PPP1R12B: variants seen among roughly 807,000 people sequenced by gnomAD.
PPP1R12B encodes the protein myosin phosphatase target subunit 2.
PPP1R12B carries 76 observed loss-of-function variants against 126.1 expected under a neutral mutation model. The observed-to-expected ratio is 0.60, with a 90% CI of 0.50 to 0.73. PPP1R12B has a LOEUF of 0.73. Ranked by LOEUF, PPP1R12B falls within the 30% of genes least tolerant of loss-of-function variation. The pLI is 0.00. For synonymous variants in PPP1R12B, 356 were observed against 434.7 expected (o/e 0.82, Z 2.25); for missense variants, 1,052 against 1,205.1 (o/e 0.87, Z 1.88).
intron 1 of PPP1R12B, among the ~76,000 whole-genome samples, chr1:202,399,776 A>G (rs1315501625): frequency 6.6e-6 from 1 of 152,204 alleles, no homozygotes; most frequent in Non-Finnish European, 1.5e-5. Context: ...GATTACAGGC[A>G]TGAGCCACTG....
At chr1:202,547,196 G>C (rs563785044) in intron 18 of PPP1R12B, among the ~76,000 whole-genome samples, 24 of 152,342 alleles carry the variant, frequency 1.6e-4, no homozygotes, top group African/African-American at 5.5e-4. Context: ...AGACTATTCA[G>C]CATTGGTTTT....
chr1:202,498,174 C>G (rs911591969), intron 18 of PPP1R12B, among the ~76,000 whole-genome samples: 1 of 152,204 alleles, frequency 6.6e-6, no homozygotes, highest in Non-Finnish European at 1.5e-5. Context: ...TGATGCAGTA[C>G]TTCCTAGGGA....
chr1:202,431,402 T>A, intron 7 of PPP1R12B, 78 bp from the exon 8 acceptor site: 1 of 1,195,762 alleles, frequency 8.4e-7, no homozygotes, highest in Non-Finnish European at 1.2e-6. Context: ...CTTCCACATA[T>A]AGGTTTATAG....
chr1:202,470,160 G>A (rs805910), intron 13 of PPP1R12B, among the ~76,000 whole-genome samples: 1,838 of 152,226 alleles, frequency 0.012, 31 homozygotes, highest in African/African-American at 0.042. Context: ...TGCTAACACG[G>A]TTCTTTTCCT....
At chr1:202,486,179 G>C (rs1199845199) in intron 13 of PPP1R12B, among the ~76,000 whole-genome samples, 1 of 151,968 alleles carries the variant, frequency 6.6e-6, no homozygotes, top group Non-Finnish European at 1.5e-5. Context: ...ACTGCTCCTG[G>C]CTGCTATTAT....
Position 202,419,846 on chromosome 1 carries a change from C to T in PPP1R12B, c.423-2774C>T, listed in dbSNP as rs184135155. On this transcript the variant is annotated intron_variant, in intron 2 of 23. Transcript: ENST00000608999. This position sits in a 1 kb window ranked among gnomAD's most constrained non-coding sequence, Gnocchi z 4.6. ...GTTTATTTTACCAAGGTTAAAGATG[C>T]GCACCCAGGAAACAGATCTGTGCCT... Among the ~76,000 whole-genome samples, 42 of 152,226 alleles carry T rather than the reference C, an allele frequency of 2.8e-4. No homozygotes were observed. The highest frequency in any genetic ancestry group is 6.8e-3 in the Middle Eastern group (2 of 294).
intron 13 of PPP1R12B, among the ~76,000 whole-genome samples, chr1:202,484,544 T>C (rs1474719379): frequency 6.6e-6 from 1 of 152,234 alleles, no homozygotes; most frequent in Non-Finnish European, 1.5e-5. Flanking sequence ...ACTGGGCTAG[T>C]CTGAATTTGA....
Position 202,493,238 on chromosome 1 carries a change from A to G in PPP1R12B, c.2066A>G (p.Glu689Gly), listed in dbSNP as rs1422596707. 1.9e-6 allele frequency: 3 copies of G among 1,613,030 alleles called. No homozygotes were observed. Among genetic ancestry groups the G allele is most frequent in the Non-Finnish European group, 2.5e-6 (3 of 1,179,862 alleles). Residue 689 changes from glutamate (E) to glycine (G), a missense_variant, in exon 15 of 24, where the codon GAG (glutamate) becomes GGG (glycine). Physicochemically the swap from Glu to Gly is moderately conservative, Grantham distance 98. Transcript: ENST00000608999. The stretch of plus-strand genomic sequence containing the variant: ...ACTGAAGGGCTTGAGGGGAGCCCTG[A>G]GAAGCATGAGCCCTCAGCAGTTCCA... ...TDTEGLEGSP[E>G]KHEPSAVPAT...
At chr1:202,499,870 C>G (rs554475424) in intron 18 of PPP1R12B, among the ~76,000 whole-genome samples, 57 of 152,240 alleles carry the variant, frequency 3.7e-4, no homozygotes, top group African/African-American at 1.3e-3. Context: ...ATAATGTTTG[C>G]TATCAATAGA....
intron 18 of PPP1R12B, among the ~76,000 whole-genome samples, chr1:202,555,478 A>T (rs565177520): frequency 4.0e-5 from 6 of 151,692 alleles, no homozygotes; most frequent in African/African-American, 1.4e-4. Flanking sequence ...AAAAAAAAAA[A>T]AAAAATTCAA....
intron 17 of PPP1R12B, 95 bp from the exon 18 acceptor site, chr1:202,496,686 A>G: frequency 1.8e-6 from 2 of 1,097,800 alleles, no homozygotes; most frequent in Non-Finnish European, 2.7e-6. Flanking sequence ...CATGTTTGAA[A>G]TGCCAAGATG....
In PPP1R12B at chr1:202,442,430, C is replaced by G. The variant is rs564691680; in HGVS notation, c.1542-17C>G. 2.5e-6 allele frequency: 4 copies of G among 1,601,304 alleles called. No homozygotes were observed. The highest frequency in any genetic ancestry group is 3.4e-6 in the Non-Finnish European group (4 of 1,174,890). ...TGGTAGGAATCAGTGTTTTGTTTTC[C>G]TTTCATGCTTCTACAGAGAATCAGC... On this transcript the variant is annotated splice_polypyrimidine_tract_variant and intron_variant, in intron 11 of 23. Transcript: ENST00000608999.
At position 202,582,314 on chromosome 1, in the gene PPP1R12B, C is replaced by T. The variant is rs780389875; in HGVS notation, c.*1754C>T. ...GTCCAGGCCTGGAAAGAATACAAATCCAGTGCAAAATTAAACCATTAGTTC... is the reference window on the plus strand; with the variant it reads ...GTCCAGGCCTGGAAAGAATACAAATTCAGTGCAAAATTAAACCATTAGTTC... On this transcript the variant is annotated 3_prime_UTR_variant, in exon 24 of 24. Transcript: ENST00000608999. 1 of 152,716 alleles carries T rather than the reference C, an allele frequency of 6.5e-6. No individual in the cohort carries two copies. Among genetic ancestry groups the T allele is most frequent in the South Asian group, 2.1e-4 (1 of 4,826 alleles). 9.5% of individuals were successfully genotyped at this position (152,716 alleles called of 1,614,324 possible).
intron 1 of PPP1R12B, among the ~76,000 whole-genome samples, chr1:202,376,394 A>G (rs906752627): frequency 2.0e-4 from 30 of 152,306 alleles, no homozygotes; most frequent in African/African-American, 7.2e-4. Flanking sequence ...GAGTGTATCA[A>G]TGTGAGGAGT....
At chr1:202,406,360 C>T (rs1182945490) in intron 1 of PPP1R12B, among the ~76,000 whole-genome samples, 2 of 152,164 alleles carry the variant, frequency 1.3e-5, no homozygotes, top group Non-Finnish European at 2.9e-5. Flanking sequence ...TGCATTTAGT[C>T]TAGTTAGGAG....
chr1:202,525,826 T>C (rs1683277880), intron 18 of PPP1R12B, among the ~76,000 whole-genome samples: 1 of 151,986 alleles, frequency 6.6e-6, no homozygotes, highest in African/African-American at 2.4e-5. Context: ...GCCTCCCGAG[T>C]AGCTGTGATT....
intron 18 of PPP1R12B, among the ~76,000 whole-genome samples, chr1:202,518,625 A>G (rs1252513151): frequency 1.3e-5 from 2 of 152,242 alleles, no homozygotes; most frequent in African/African-American, 4.8e-5. Flanking sequence ...CCAGGGAGAA[A>G]GTGAGCAAAG....
chr1:202,390,526 T>C (rs559982212), intron 1 of PPP1R12B, among the ~76,000 whole-genome samples: 152 of 152,268 alleles, frequency 1.0e-3, no homozygotes, highest in African/African-American at 3.6e-3. Flanking sequence ...AGAGGAAGGG[T>C]CTCACTCTGT....
At chr1:202,569,126 A>G (rs1324377337) in intron 22 of PPP1R12B, 21 bp from the exon 23 acceptor site, 1 of 1,610,710 alleles carries the variant, frequency 6.2e-7, no homozygotes, top group Admixed American at 1.7e-5. Flanking sequence ...AATGTTCAAC[A>G]GTCTCATTGT....
Sources: allele counts gnomAD v4.1 joint callset (sites outside exome capture counted in the v4.1 genomes callset), GRCh38; gene constraint gnomAD v4.1.1; non-coding constraint Gnocchi (gnomAD v3.1); transcripts MANE v1.5; gene names NCBI Gene and HGNC (gene_info 2026-07-23, HGNC 2026-07-21).